Variants in SREK1 observed in about 807,000 individuals in gnomAD.
SREK1 encodes splicing regulatory glutamic acid and lysine rich protein 1.
A neutral mutation model predicts 66.5 loss-of-function variants in SREK1; 13 were observed. The ratio of observed to expected loss-of-function variants is 0.20; its 90% confidence interval spans 0.13 to 0.31. SREK1 has a LOEUF of 0.31. SREK1 is among the 10% of genes least tolerant of loss of function. The pLI is 1.00. For synonymous variants in SREK1, 265 were observed against 263.5 expected, an observed-to-expected ratio of 1.01 and a Z score of -0.05; for missense variants, 607 against 769.6, an observed-to-expected ratio of 0.79 and a Z score of 2.50.
Position 66,166,428 on chromosome 5 carries a change from A to G in SREK1, c.1001+1531A>G, listed in dbSNP as rs906014870. 9.2e-5 allele frequency: 14 copies of G among 152,284 alleles called. No homozygotes were observed. In the East Asian group the frequency reaches 1.9e-3, roughly 21 times the overall value. The allele number at this position is 152,284 out of a possible 1,614,324, so 9.4% of individuals were successfully genotyped here. On this transcript the variant is annotated intron_variant, in intron 7 of 11. Transcript: ENST00000334121. ...TATGTAGATATGTCTATACAGATGT[A>G]CACACAATGTCTGCGTAGCATTAGA...
chr5:66,158,319 A>G (rs1433208804), intron 2 of SREK1: 1 of 152,170 alleles, frequency 6.6e-6, no homozygotes, highest in African/African-American at 2.4e-5. Context: ...TTATTAGGCA[A>G]TTAAAATGTT....
chr5:66,152,365 T>C (rs1008691007), intron 1 of SREK1, among the ~76,000 whole-genome samples: 8 of 152,198 alleles, frequency 5.3e-5, no homozygotes, highest in Non-Finnish European at 1.2e-4. Context: ...ATCTGGATTT[T>C]TGGATTTTAA....
chr5:66,172,817 T>A (rs1192323749), intron 9 of SREK1, among the ~76,000 whole-genome samples: 1 of 150,906 alleles, frequency 6.6e-6, no homozygotes, highest in Non-Finnish European at 1.5e-5. Context: ...AGTTACAATT[T>A]CTTTGAATTT....
chr5:66,164,721 A>G, intron 6 of SREK1, 62 bp from the exon 7 acceptor site: 1 of 1,612,698 alleles, frequency 6.2e-7, no homozygotes. Flanking sequence ...CTTGTGCCTG[A>G]TTATTAACTG....
At chr5:66,146,196 T>C (rs957624515) in intron 1 of SREK1, among the ~76,000 whole-genome samples, 1 of 152,164 alleles carries the variant, frequency 6.6e-6, no homozygotes, top group Non-Finnish European at 1.5e-5. Flanking sequence ...TGAGAATTGT[T>C]TGGGGGAGTG....
rs942452677 is a variant in SREK1 at position 66,144,320 on chromosome 5, C to A, written c.-57C>A. 4.4e-6 allele frequency: 6 copies of A among 1,373,108 alleles called. No individual in the cohort carries two copies. Among genetic ancestry groups the A allele is most frequent in the East Asian group, 2.7e-5 (1 of 37,324 alleles). The allele number at this position is 1,373,108 out of a possible 1,614,324, so 85.1% of individuals were successfully genotyped here. A position where few individuals can be genotyped will look rare whatever the true frequency, so the allele number is the denominator to read the frequency against. ...CGCGCGTTCTCCGCTTTCCCGGCTC[C>A]GTCGCTGACGCGTCGTAGACGTTGG... is the stretch of plus-strand genomic sequence containing the variant. On this transcript the variant is annotated 5_prime_UTR_variant, in exon 1 of 12. Transcript: ENST00000334121.
intron 2 of SREK1, chr5:66,156,547 C>A: frequency 1.0e-6 from 1 of 986,322 alleles, no homozygotes; most frequent in Non-Finnish European, 1.2e-6. Context: ...ATCTCAGGAA[C>A]ACTTTCTGAT....
intron 3 of SREK1, 46 bp from the exon 4 acceptor site, chr5:66,162,063 T>C: frequency 6.3e-7 from 1 of 1,580,002 alleles, no homozygotes; most frequent in Non-Finnish European, 8.6e-7. Flanking sequence ...CTTTGGATAC[T>C]AATAGAAAAT....
At chr5:66,150,972 CT>C (rs932198472) in intron 1 of SREK1, among the ~76,000 whole-genome samples, 12 of 151,972 alleles carry the variant, frequency 7.9e-5, no homozygotes, top group African/African-American at 2.9e-4. Flanking sequence ...TCCCAAGTAG[CT>C]GGGATTACAG....
At chr5:66,148,150 C>T (rs981033660) in intron 1 of SREK1, among the ~76,000 whole-genome samples, 1 of 151,964 alleles carries the variant, frequency 6.6e-6, no homozygotes, top group African/African-American at 2.4e-5. Flanking sequence ...TATAAGTAGT[C>T]TTAAACAGGA....
Position 66,145,912 on chromosome 5 carries a change from G to C in SREK1, c.161+1375G>C, listed in dbSNP as rs547052144. On this transcript the variant is annotated intron_variant, in intron 1 of 11. Coordinates refer to ENST00000334121, the MANE Select transcript of SREK1 (RefSeq NM_001077199.3). Reference sequence around the variant, plus strand: ...AGTCGTGACATTGATATTTTGTTTTGTAGTTCATTTTGTCTTGTAATATGA... The same window carrying C: ...AGTCGTGACATTGATATTTTGTTTTCTAGTTCATTTTGTCTTGTAATATGA... 3.3e-5 allele frequency among the ~76,000 whole-genome samples: 5 copies of C among 151,084 alleles called. No homozygotes were observed. In the East Asian group the frequency reaches 7.8e-4, roughly 23 times the overall value.
intron 3 of SREK1, among the ~76,000 whole-genome samples, chr5:66,161,328 A>C (rs1744743153): frequency 6.6e-6 from 1 of 152,188 alleles, no homozygotes; most frequent in African/African-American, 2.4e-5. Context: ...CAGTTGGAGC[A>C]CTTTTGTGGT....
intron 2 of SREK1, among the ~76,000 whole-genome samples, chr5:66,155,320 GTAAA>G (rs1370366260): frequency 6.6e-6 from 1 of 152,138 alleles, no homozygotes; most frequent in African/African-American, 2.4e-5. Context: ...TTATAAGTAA[GTAAA>G]TATTTTGAAA....
intron 2 of SREK1, among the ~76,000 whole-genome samples, chr5:66,155,887 G>A (rs561164233): frequency 4.6e-5 from 7 of 152,188 alleles, no homozygotes; most frequent in African/African-American, 1.7e-4. Flanking sequence ...TTGTTGTTGC[G>A]TGCATTTCAG....
Position 66,164,798 on chromosome 5 carries a change from A to G in SREK1, c.902A>G (p.Asn301Ser), listed in dbSNP as rs749448331. 4.3e-6 allele frequency: 7 copies of G among 1,614,126 alleles called. No individual in the cohort carries two copies. The highest frequency in any genetic ancestry group is 5.9e-6 in the Non-Finnish European group (7 of 1,179,944). Residue 301 changes from asparagine to serine, a missense_variant, in exon 7 of 12, where the codon AAT becomes AGT. This residue lies in a region of SREK1 where 112 missense variants were observed against 168.6 expected (regional missense o/e 0.66). Transcript: ENST00000334121. ...TTCCTCCCAGAGTCTGGAAAGAGCA[A>G]TGAAAGAAAAGGCGGTCGATCTCGT... ...AAIEPESGKS[N>S]ERKGGRSRSH...
chr5:66,168,961 C>T (rs1745393331), intron 7 of SREK1: 1 of 152,110 alleles, frequency 6.6e-6, no homozygotes, highest in Non-Finnish European at 1.5e-5. Context: ...GATTGCTACT[C>T]CACTTTATAG....
At chr5:66,153,692 GGT>G in intron 2 of SREK1, 96 bp downstream of exon 2, 12 of 1,481,308 alleles carry the variant, frequency 8.1e-6, no homozygotes, top group South Asian at 2.5e-5. Flanking sequence ...CAGTACTCTT[GGT>G]GTGTGTGTGA....
chr5:66,164,647 GATGTTTCTGA>G, intron 6 of SREK1, 126 bp from the exon 7 acceptor site: 1 of 1,572,986 alleles, frequency 6.4e-7, no homozygotes, highest in Non-Finnish European at 8.6e-7. Context: ...GACTTTCTTG[GATGTTTCTGA>G]AGGAGGAGGA....
At chr5:66,160,507 TA>T (rs1342092107) in intron 3 of SREK1, among the ~76,000 whole-genome samples, 5 of 152,150 alleles carry the variant, frequency 3.3e-5, no homozygotes, top group Non-Finnish European at 7.4e-5. Context: ...GGTTGAAGCA[TA>T]GTGAGTGAGG....
Sources: gnomAD v4.1 joint callset for allele counts (sites outside exome capture counted in the v4.1 genomes callset) on GRCh38, gnomAD v4.1.1 for gene constraint, gnomAD v4.1.1 regional missense constraint, MANE v1.5 for transcripts, NCBI Gene and HGNC (gene_info 2026-07-23, HGNC 2026-07-21) for gene names.